Variants in JAZF1 observed in about 807,000 individuals in gnomAD.
JAZF1 encodes the protein JAZF zinc finger 1.
Under a neutral mutation model 26.4 loss-of-function variants are expected in JAZF1, and 8 were observed. The observed-to-expected ratio is 0.30, with a 90% CI of 0.18 to 0.55. The LOEUF (loss-of-function observed/expected upper bound fraction) is 0.55, where lower values mean the gene tolerates loss of function less well. JAZF1 is among the 20% of genes least tolerant of loss of function. The pLI is 0.94. For missense variants in JAZF1, 199 were observed against 322.0 expected, an observed-to-expected ratio of 0.62 and a Z score of 2.92; for synonymous variants, 126 against 122.3, an observed-to-expected ratio of 1.03 and a Z score of -0.20.
intron 1 of JAZF1, among the ~76,000 whole-genome samples, chr7:28,038,925 T>G (rs949734154): frequency 1.3e-5 from 2 of 152,220 alleles, no homozygotes; most frequent in Non-Finnish European, 2.9e-5. Context: ...TCCTTTTATC[T>G]CTACCTCAAA....
At chr7:28,076,232 C>T (rs1018484493) in intron 1 of JAZF1, among the ~76,000 whole-genome samples, 16 of 152,166 alleles carry the variant, frequency 1.1e-4, no homozygotes, top group African/African-American at 2.9e-4. Flanking sequence ...TTTATTTCAA[C>T]GGCCCAGAGC....
At position 27,906,852 on chromosome 7, in the gene JAZF1, C is replaced by A. The variant is rs114692208; in HGVS notation, c.189-11436G>T. Among the ~76,000 whole-genome samples, 621 of 152,244 alleles carry A rather than the reference C, an allele frequency of 4.1e-3. 3 individuals are homozygous for A. Among genetic ancestry groups the A allele is most frequent in the African/African-American group, 0.014 (563 of 41,520 alleles). On this transcript the variant is annotated intron_variant, in intron 2 of 4. Coordinates refer to ENST00000283928, the MANE Select transcript of JAZF1 (RefSeq NM_175061.4). ...GTTTTCATTGCTAATTTGACATCCA[C>A]GTAAAGACTAATGAACAAAACAAAG...
intron 1 of JAZF1, among the ~76,000 whole-genome samples, chr7:28,030,812 T>C (rs995710696): frequency 3.9e-5 from 6 of 152,242 alleles, no homozygotes; most frequent in Non-Finnish European, 8.8e-5. Flanking sequence ...AGTTTTGATT[T>C]CTATTTTGGT....
intron 2 of JAZF1, among the ~76,000 whole-genome samples, chr7:27,954,836 C>A (rs1785060898): frequency 6.6e-6 from 1 of 152,204 alleles, no homozygotes; most frequent in Non-Finnish European, 1.5e-5. Context: ...TGGCTCACCG[C>A]AACCTCTGCC....
chr7:27,927,405 C>T (rs922772048), intron 2 of JAZF1, among the ~76,000 whole-genome samples: 2 of 152,232 alleles, frequency 1.3e-5, no homozygotes, highest in Non-Finnish European at 2.9e-5. Flanking sequence ...GCTTGATCAT[C>T]TACTCTCTGT....
rs564753645 is a variant in JAZF1, at chr7:28,170,479, G to C, written c.115+9984C>G. Among the ~76,000 whole-genome samples the C allele has an allele frequency of 6.6e-5, 10 of 152,060 alleles. No homozygotes were observed. The East Asian group carries it at 1.9e-3, about 29-fold the overall frequency. Reference sequence around the variant, plus strand: ...TCCCTAAATGATCATCAGCGAGAGAGAGAAAACCAGTTAGCGTCTTTGGAC... The same window carrying C: ...TCCCTAAATGATCATCAGCGAGAGACAGAAAACCAGTTAGCGTCTTTGGAC... On this transcript the variant is annotated intron_variant, in intron 1 of 4. Transcript: ENST00000283928.
intron 1 of JAZF1, among the ~76,000 whole-genome samples, chr7:27,999,480 C>G (rs1456539276): frequency 1.3e-5 from 2 of 152,214 alleles, no homozygotes; most frequent in African/African-American, 4.8e-5. Flanking sequence ...GAATTCATCT[C>G]TGAAGGCTGG....
chr7:27,952,729 G>A (rs997666542), intron 2 of JAZF1, among the ~76,000 whole-genome samples: 1 of 152,150 alleles, frequency 6.6e-6, no homozygotes, highest in Non-Finnish European at 1.5e-5. Flanking sequence ...ATTAAAATCA[G>A]ATGTTATCAA....
At chr7:28,024,270 G>A (rs149337412) in intron 1 of JAZF1, among the ~76,000 whole-genome samples, 60 of 152,278 alleles carry the variant, frequency 3.9e-4, no homozygotes, top group African/African-American at 9.1e-4. Flanking sequence ...ATTCCAGTTT[G>A]GGTGATAGAA....
chr7:28,148,869 C>T (rs754759779), intron 1 of JAZF1, among the ~76,000 whole-genome samples: 4 of 152,234 alleles, frequency 2.6e-5, no homozygotes, highest in Non-Finnish European at 2.9e-5. Context: ...ACACATGCAA[C>T]TCAGGGTCTG....
At chr7:28,038,203 T>C (rs1427659150) in intron 1 of JAZF1, among the ~76,000 whole-genome samples, 1 of 152,100 alleles carries the variant, frequency 6.6e-6, no homozygotes, top group Non-Finnish European at 1.5e-5. Context: ...GCAAGGTAAA[T>C]GAAACATTAA....
intron 1 of JAZF1, among the ~76,000 whole-genome samples, chr7:28,020,311 T>C (rs1432822420): frequency 1.3e-5 from 2 of 152,136 alleles, no homozygotes; most frequent in Non-Finnish European, 2.9e-5. Context: ...GAGGAAAGTA[T>C]TTAAGCTTAG....
At chr7:27,935,183 C>G (rs1437444231) in intron 2 of JAZF1, among the ~76,000 whole-genome samples, 1 of 152,146 alleles carries the variant, frequency 6.6e-6, no homozygotes, top group African/African-American at 2.4e-5. Flanking sequence ...TGGTTATAAT[C>G]AAACAGACAA....
chr7:28,046,692 T>C (rs1783502596), intron 1 of JAZF1, among the ~76,000 whole-genome samples: 1 of 152,220 alleles, frequency 6.6e-6, no homozygotes, highest in Admixed American at 6.5e-5. Context: ...GGCAATCTGA[T>C]ACATGAAAAC....
intron 1 of JAZF1, among the ~76,000 whole-genome samples, chr7:28,063,758 A>G (rs566399938): frequency 5.9e-5 from 9 of 152,252 alleles, no homozygotes; most frequent in South Asian, 2.1e-4. Context: ...AAACAAGCAA[A>G]TATCTGGGAT....
intron 1 of JAZF1, among the ~76,000 whole-genome samples, chr7:28,077,049 A>G (rs2127913623): frequency 6.6e-6 from 1 of 152,320 alleles, no homozygotes; most frequent in African/African-American, 2.4e-5. Flanking sequence ...TGTTTAAAGA[A>G]TGTTAAAATA....
At chr7:27,841,215 A>G (rs1195619198) in intron 3 of JAZF1, 3 of 229,532 alleles carry the variant, frequency 1.3e-5, no homozygotes, top group African/African-American at 4.5e-5. Flanking sequence ...AGCAACGATG[A>G]CAGGCTCCTC....
At position 27,840,288 on chromosome 7, in the gene JAZF1, A is replaced by G. The variant is rs1782897324; in HGVS notation, c.555+410T>C. On this transcript the variant is annotated intron_variant, in intron 4 of 4. Transcript: ENST00000283928. This position sits in a 1 kb window ranked among gnomAD's most constrained non-coding sequence, Gnocchi z 5.1. Reference sequence around the variant, plus strand: ...CTGGGAGCCATCTGGGGCTTTTACAACTTCAAAGTGGTCTCCCGTGAGCCA... The same window carrying G: ...CTGGGAGCCATCTGGGGCTTTTACAGCTTCAAAGTGGTCTCCCGTGAGCCA... Among the ~76,000 whole-genome samples, 1 of 152,224 alleles carries G rather than the reference A, an allele frequency of 6.6e-6. No individual in the cohort carries two copies.
chr7:28,025,381 C>T (rs2128373696), intron 1 of JAZF1, among the ~76,000 whole-genome samples: 1 of 152,276 alleles, frequency 6.6e-6, no homozygotes, highest in Non-Finnish European at 1.5e-5. Flanking sequence ...GTATCTAAAT[C>T]CTTACAACCA....
Sources: allele counts gnomAD v4.1 joint callset (sites outside exome capture counted in the v4.1 genomes callset), GRCh38; gene constraint gnomAD v4.1.1; non-coding constraint Gnocchi (gnomAD v3.1); transcripts MANE v1.5; gene names NCBI Gene and HGNC (gene_info 2026-07-23, HGNC 2026-07-21).